COL9A3: variants seen among roughly 807,000 people sequenced by gnomAD.
COL9A3 encodes collagen alpha-3(IX) chain.
In COL9A3, 82 loss-of-function variants were observed where a neutral mutation model predicts 110.2. The observed-to-expected ratio is 0.74, with a 90% CI of 0.62 to 0.89. COL9A3 has a LOEUF of 0.89. Among genes scored for constraint, COL9A3 ranks in the 40% least tolerant of loss-of-function variants. The pLI, the probability that COL9A3 is intolerant of heterozygous loss-of-function variation, is 0.00. For synonymous variants in COL9A3, 494 were observed against 403.8 expected (o/e 1.22, Z -2.68); for missense variants, 1,066 against 981.3 (o/e 1.09, Z -1.15).
intron 29 of COL9A3, 98 bp downstream of exon 29, chr20:62,836,630 A>G: frequency 7.8e-7 from 1 of 1,278,234 alleles, no homozygotes; most frequent in Non-Finnish European, 1.1e-6. Flanking sequence ...ACTGCTTTCC[A>G]GCCAAAGTGA....
intron 26 of COL9A3, among the ~76,000 whole-genome samples, 160 bp from the exon 27 acceptor site, chr20:62,835,761 T>C (rs1403474703): frequency 6.6e-6 from 1 of 152,150 alleles, no homozygotes. Context: ...CACAGAAATA[T>C]AAAAAATGTA....
chr20:62,832,827 C>A, intron 25 of COL9A3, 193 bp from the exon 26 acceptor site: 1 of 457,388 alleles, frequency 2.2e-6, no homozygotes, highest in South Asian at 2.9e-5. Context: ...GTTTTTTGGC[C>A]CCGCCCCTGC....
chr20:62,826,563 G>C (rs562300017), intron 14 of COL9A3, among the ~76,000 whole-genome samples: 1 of 152,336 alleles, frequency 6.6e-6, no homozygotes, highest in East Asian at 1.9e-4. Flanking sequence ...CACGGTCCCA[G>C]GCTGCTGTGA....
intron 14 of COL9A3, among the ~76,000 whole-genome samples, chr20:62,826,547 C>A (rs930649882): frequency 2.0e-5 from 3 of 152,202 alleles, no homozygotes; most frequent in Non-Finnish European, 4.4e-5. Flanking sequence ...CGCTGACACC[C>A]ACACACACGG....
chr20:62,824,844 C>A (rs1021154911), intron 11 of COL9A3, 124 bp from the exon 12 acceptor site: 2 of 1,050,602 alleles, frequency 1.9e-6, no homozygotes, highest in Non-Finnish European at 2.9e-6. Context: ...CCCAGACCCG[C>A]GGTCCTGTGC....
At chr20:62,834,868 T>C (rs2063623371) in intron 26 of COL9A3, among the ~76,000 whole-genome samples, 1 of 152,160 alleles carries the variant, frequency 6.6e-6, no homozygotes, top group African/African-American at 2.4e-5. Flanking sequence ...CTCAAACTCC[T>C]GACCTTGTGA....
At chr20:62,827,609 T>G (rs1443993562) in intron 16 of COL9A3, among the ~76,000 whole-genome samples, 1 of 152,024 alleles carries the variant, frequency 6.6e-6, no homozygotes, top group African/African-American at 2.4e-5. Context: ...CAAGTGAACA[T>G]AAGGAAAGTC....
chr20:62,820,322 C>T (rs1349920635), intron 5 of COL9A3, among the ~76,000 whole-genome samples: 4 of 151,882 alleles, frequency 2.6e-5, no homozygotes, highest in South Asian at 2.1e-4. Context: ...CCCCCGGGCA[C>T]GCAGCCTGCA....
chr20:62,816,916 T>G (rs1014516476), upstream of COL9A3: 1 of 322,598 alleles, frequency 3.1e-6, no homozygotes. Flanking sequence ...GCGGGGCGGG[T>G]GGAAGCCCCC....
intron 10 of COL9A3, among the ~76,000 whole-genome samples, 169 bp from the exon 11 acceptor site, chr20:62,824,276 G>A (rs1282240123): frequency 2.1e-5 from 3 of 142,536 alleles, no homozygotes; most frequent in East Asian, 2.0e-4. Flanking sequence ...CTGGGGTCCC[G>A]TCACTGATGC....
chr20:62,826,404 G>C (rs1163427707), intron 14 of COL9A3, 147 bp downstream of exon 14: 3 of 796,534 alleles, frequency 3.8e-6, no homozygotes, highest in Non-Finnish European at 4.0e-6. Context: ...CGCAGGCCTT[G>C]CTCTGGGCCC....
chr20:62,832,279 T>G, intron 25 of COL9A3, 90 bp downstream of exon 25: 1 of 1,380,438 alleles, frequency 7.2e-7, no homozygotes, highest in Non-Finnish European at 1.0e-6. Context: ...TGGCCCTGGC[T>G]GTGTTTTCGG....
At chr20:62,827,033 C>T (rs12481339) in intron 15 of COL9A3, among the ~76,000 whole-genome samples, 1 of 152,128 alleles carries the variant, frequency 6.6e-6, no homozygotes, top group Admixed American at 6.5e-5. Context: ...TGGTTCTGGA[C>T]GTGGAATGAG....
Position 62,829,766 on chromosome 20 carries a change from G to A in COL9A3, c.1108G>A (p.Gly370Arg). 1 of 1,591,220 alleles carries A rather than the reference G, an allele frequency of 6.3e-7. No individual in the cohort carries two copies. The highest frequency in any genetic ancestry group is 8.6e-7 in the Non-Finnish European group (1 of 1,169,294). ...GACACCCTCCTTCCTTTCCCTGTAG[G>A]GAGATGCTGGCATGCCTGGGGAGCG... is the stretch of plus-strand genomic sequence containing the variant. ...AGPSGEPGVP[G>R]DAGMPGERGE... Residue 370 changes from glycine to arginine, a missense_variant and splice_region_variant, in exon 22 of 32, where the codon GGA becomes AGA. Coordinates refer to ENST00000649368, the MANE Select transcript of COL9A3 (RefSeq NM_001853.4).
At chr20:62,837,432 C>G (rs1458571713) in intron 30 of COL9A3, among the ~76,000 whole-genome samples, 167 bp downstream of exon 30, 2 of 152,228 alleles carry the variant, frequency 1.3e-5, no homozygotes, top group African/African-American at 4.8e-5. Context: ...CTTGGTAATC[C>G]TGTGGGAACT....
chr20:62,822,185 C>G (rs760995624), intron 9 of COL9A3, 21 bp downstream of exon 9: 13 of 1,464,544 alleles, frequency 8.9e-6, no homozygotes, highest in Admixed American at 6.7e-5. Context: ...GGCAGAGGCT[C>G]TAAGAAGTGC....
chr20:62,837,375 T>TGA, intron 30 of COL9A3, 110 bp downstream of exon 30: 1 of 1,206,448 alleles, frequency 8.3e-7, no homozygotes, highest in Non-Finnish European at 1.2e-6. Flanking sequence ...GGGTAACCCC[T>TGA]GGAACGTGGG....
intron 12 of COL9A3, chr20:62,825,575 A>G (rs1369190326): frequency 8.4e-6 from 5 of 597,174 alleles, no homozygotes; most frequent in Non-Finnish European, 1.5e-5. Context: ...GGGCCTGGAC[A>G]GGGCTGAAGG....
intron 13 of COL9A3, 151 bp downstream of exon 13, chr20:62,826,021 C>A: frequency 1.8e-6 from 2 of 1,102,500 alleles, no homozygotes; most frequent in Admixed American, 2.2e-5. Context: ...GCTGGGGGTC[C>A]CACCTCTGCC....
Sources: allele counts gnomAD v4.1 joint callset (sites outside exome capture counted in the v4.1 genomes callset), GRCh38; gene constraint gnomAD v4.1.1; transcripts MANE v1.5; gene names NCBI Gene and HGNC (gene_info 2026-07-23, HGNC 2026-07-21).